Variants in MARCHF1 observed in about 807,000 individuals in gnomAD.
MARCHF1 encodes the protein membrane associated ring-CH-type finger 1.
MARCHF1 carries 40 observed loss-of-function variants against 54.2 expected under a neutral mutation model. That is an observed-to-expected ratio of 0.74 (90% CI 0.57 to 0.96). The LOEUF (loss-of-function observed/expected upper bound fraction) is 0.96. Ranked by LOEUF, MARCHF1 falls within the 40% of genes least tolerant of loss-of-function variation. MARCHF1 has a pLI of 0.00. For synonymous variants in MARCHF1, 236 were observed against 236.3 expected (o/e 1.00, Z 0.01); for missense variants, 586 against 656.5 (o/e 0.89, Z 1.17).
chr4:164,034,100 T>TAGATAGATAGATAGAC (rs1753942647), intron 2 of MARCHF1, among the ~76,000 whole-genome samples: 1 of 146,212 alleles, frequency 6.8e-6, no homozygotes, highest in Non-Finnish European at 1.5e-5. Context: ...GATAGATAGA[T>TAGATAGATAGATAGAC]AGATAGATAG....
chr4:164,109,116 C>T (rs1001697066), intron 2 of MARCHF1, among the ~76,000 whole-genome samples: 1 of 152,044 alleles, frequency 6.6e-6, no homozygotes, highest in African/African-American at 2.4e-5. Context: ...ACTCTCTCCT[C>T]TGTATGGTTC....
intron 4 of MARCHF1, among the ~76,000 whole-genome samples, chr4:163,721,844 G>T (rs138303211): frequency 0.04 from 6,131 of 151,990 alleles, 437 homozygotes; most frequent in African/African-American, 0.14. Flanking sequence ...TCTCTGACGG[G>T]AATTTGTATT....
At chr4:163,647,398 T>C (rs76811268) in intron 5 of MARCHF1, among the ~76,000 whole-genome samples, 1,714 of 152,170 alleles carry the variant, frequency 0.011, 32 homozygotes, top group African/African-American at 0.038. Context: ...TGAACTACAC[T>C]TTAGGTGAAA....
chr4:164,106,915 A>C (rs563558811), intron 2 of MARCHF1, among the ~76,000 whole-genome samples: 1 of 152,194 alleles, frequency 6.6e-6, no homozygotes, highest in Non-Finnish European at 1.5e-5. Context: ...ATTTTGTCCA[A>C]GGTATCTATC....
chr4:163,904,385 G>T (rs1751009802), intron 3 of MARCHF1, among the ~76,000 whole-genome samples: 1 of 152,160 alleles, frequency 6.6e-6, no homozygotes, highest in Non-Finnish European at 1.5e-5. Context: ...TTAGGGCAGG[G>T]TTAGTTTTTA....
At chr4:164,252,971 A>C (rs1400371586) in intron 1 of MARCHF1, among the ~76,000 whole-genome samples, 1 of 152,106 alleles carries the variant, frequency 6.6e-6, no homozygotes, top group South Asian at 2.1e-4. Context: ...TTCCGAAGCC[A>C]GGAGTGGGTG....
intron 3 of MARCHF1, among the ~76,000 whole-genome samples, chr4:163,866,180 T>C (rs1750043537): frequency 6.6e-6 from 1 of 151,578 alleles, no homozygotes; most frequent in Non-Finnish European, 1.5e-5. Flanking sequence ...TTTTAATGCC[T>C]GAACATCATT....
intron 1 of MARCHF1, among the ~76,000 whole-genome samples, chr4:164,119,787 T>C (rs13106047): frequency 0.7 from 105,430 of 151,652 alleles, 38,380 homozygotes; most frequent in Non-Finnish European, 0.82. Context: ...TTTACAAAAG[T>C]TGTCCACAGC....
chr4:164,072,002 A>T (rs1000837022), intron 2 of MARCHF1, among the ~76,000 whole-genome samples: 3 of 152,120 alleles, frequency 2.0e-5, no homozygotes, highest in African/African-American at 7.2e-5. Flanking sequence ...TAATATGACT[A>T]TGCATCTGCA....
chr4:164,247,632 A>T, intron 1 of MARCHF1, among the ~76,000 whole-genome samples: 1 of 5,814 alleles, frequency 1.7e-4, no homozygotes, highest in African/African-American at 2.9e-4. Flanking sequence ...AGTTAAAAGA[A>T]AAAAAGAAAG....
At chr4:164,255,600 A>G (rs1733257651) in intron 1 of MARCHF1, among the ~76,000 whole-genome samples, 1 of 152,080 alleles carries the variant, frequency 6.6e-6, no homozygotes, top group African/African-American at 2.4e-5. Flanking sequence ...AATCATGTTG[A>G]AAAGAACAAA....
intron 2 of MARCHF1, among the ~76,000 whole-genome samples, chr4:164,101,069 G>A (rs1208096718): frequency 6.6e-6 from 1 of 152,226 alleles, no homozygotes; most frequent in Admixed American, 6.5e-5. Flanking sequence ...TTAAAAAACT[G>A]TGCACCACAA....
At chr4:164,167,132 C>T (rs1321208451) in intron 1 of MARCHF1, among the ~76,000 whole-genome samples, 2 of 151,518 alleles carry the variant, frequency 1.3e-5, no homozygotes, top group African/African-American at 4.8e-5. Flanking sequence ...TTAAATGAGA[C>T]AATATATGTG....
At chr4:163,699,378 C>T (rs1330121626) in intron 5 of MARCHF1, among the ~76,000 whole-genome samples, 1 of 152,150 alleles carries the variant, frequency 6.6e-6, no homozygotes, top group East Asian at 1.9e-4. Flanking sequence ...AGGGTCTGCT[C>T]CTATAAACAT....
chr4:164,281,806 C>G (rs1734033127), intron 1 of MARCHF1, among the ~76,000 whole-genome samples: 1 of 152,200 alleles, frequency 6.6e-6, no homozygotes. Context: ...ACCATTCAGG[C>G]TGCACATCAC....
chr4:163,865,352 T>C (rs927195012), intron 3 of MARCHF1, among the ~76,000 whole-genome samples: 2 of 151,910 alleles, frequency 1.3e-5, no homozygotes, highest in African/African-American at 4.8e-5. Context: ...ACAGTAAGTT[T>C]ATTTTTTCAC....
chr4:164,264,136 T>C (rs1277814566), intron 1 of MARCHF1, among the ~76,000 whole-genome samples: 2 of 152,178 alleles, frequency 1.3e-5, no homozygotes, highest in Non-Finnish European at 2.9e-5. Context: ...ATGTGGTACA[T>C]ATACACCATG....
At chr4:164,081,161 T>C (rs1427743287) in intron 2 of MARCHF1, among the ~76,000 whole-genome samples, 2 of 109,860 alleles carry the variant, frequency 1.8e-5, no homozygotes, top group Non-Finnish European at 3.4e-5. Context: ...TGAGCCGAGA[T>C]CGCGCCACTG....
intron 4 of MARCHF1, among the ~76,000 whole-genome samples, chr4:163,716,334 C>G (rs577420402): frequency 6.6e-6 from 1 of 152,062 alleles, no homozygotes; most frequent in Non-Finnish European, 1.5e-5. Flanking sequence ...TTTATTTGTA[C>G]GGTGTACCTT....
Sources: allele counts gnomAD v4.1 joint callset (sites outside exome capture counted in the v4.1 genomes callset), GRCh38; gene constraint gnomAD v4.1.1; transcripts MANE v1.5; gene names NCBI Gene and HGNC (gene_info 2026-07-23, HGNC 2026-07-21).